C2CD3: variants seen among roughly 807,000 people sequenced by gnomAD.
The protein encoded by C2CD3 is C2 domain-containing protein 3.
A neutral mutation model predicts 234.0 loss-of-function variants in C2CD3; 148 were observed. The ratio of observed to expected loss-of-function variants is 0.63; its 90% CI spans 0.55 to 0.72. C2CD3 has a LOEUF of 0.72. C2CD3 is among the 30% of genes least tolerant of loss of function. C2CD3 has a pLI of 0.00. For synonymous variants in C2CD3, 1,000 were observed against 1,035.4 expected, an observed-to-expected ratio of 0.97 and a Z score of 0.66; for missense variants, 2,577 against 2,811.5, an observed-to-expected ratio of 0.92 and a Z score of 1.89.
At chr11:74,146,747 C>CACACACACACACACACACAT (rs58129019) in intron 3 of C2CD3, among the ~76,000 whole-genome samples, 4,303 of 143,942 alleles carry the variant, frequency 0.03, 113 homozygotes, top group Non-Finnish European at 0.038. Context: ...CACACACACA[C>CACACACACACACACACACAT]AATTAACATA....
At chr11:74,033,018 C>G (rs1952586749) in intron 31 of C2CD3, among the ~76,000 whole-genome samples, 1 of 152,042 alleles carries the variant, frequency 6.6e-6, no homozygotes, top group Non-Finnish European at 1.5e-5. Flanking sequence ...TTCTCTAGAC[C>G]CTCTGCTTCT....
intron 26 of C2CD3, among the ~76,000 whole-genome samples, chr11:74,054,271 CAAA>C (rs576353352): frequency 0.024 from 2,255 of 94,372 alleles, 60 homozygotes; most frequent in African/African-American, 0.085. Flanking sequence ...GATTCTGTCT[CAAA>C]AAAAAAAAAA....
At chr11:74,106,601 A>G in intron 12 of C2CD3, 108 bp from the exon 13 acceptor site, 1 of 1,042,674 alleles carries the variant, frequency 9.6e-7, no homozygotes, top group Non-Finnish European at 1.4e-6. Flanking sequence ...ATTCAGGAAG[A>G]AAAAAGCTTA....
At chr11:74,079,132 T>G (rs1955211812) in intron 22 of C2CD3, among the ~76,000 whole-genome samples, 1 of 152,104 alleles carries the variant, frequency 6.6e-6, no homozygotes, top group Admixed American at 6.5e-5. Context: ...GTACTATGAG[T>G]GCAACAGAAA....
intron 29 of C2CD3, among the ~76,000 whole-genome samples, chr11:74,038,069 T>A (rs1475572037): frequency 1.3e-5 from 2 of 152,228 alleles, no homozygotes; most frequent in Non-Finnish European, 2.9e-5. Context: ...CTCATAACCA[T>A]TCCTGATCCT....
chr11:74,096,924 C>T (rs1956129720), intron 16 of C2CD3, among the ~76,000 whole-genome samples: 3 of 152,060 alleles, frequency 2.0e-5, no homozygotes, highest in Non-Finnish European at 4.4e-5. Context: ...GTGGGTGGAT[C>T]ACTTGAGGTT....
intron 3 of C2CD3, among the ~76,000 whole-genome samples, chr11:74,158,945 T>C (rs1478562223): frequency 6.6e-6 from 1 of 152,166 alleles, no homozygotes; most frequent in Non-Finnish European, 1.5e-5. Context: ...AGTATGAAGG[T>C]TCCTCACAAA....
At chr11:74,018,415 A>G (rs112081937) in intron 32 of C2CD3, among the ~76,000 whole-genome samples, 3 of 152,246 alleles carry the variant, frequency 2.0e-5, no homozygotes, top group African/African-American at 7.2e-5. Flanking sequence ...CTTCTTTGGT[A>G]ACAGTGAGCC....
chr11:74,073,673 C>A (rs1186220545), intron 24 of C2CD3, among the ~76,000 whole-genome samples: 2 of 151,560 alleles, frequency 1.3e-5, no homozygotes, highest in Non-Finnish European at 2.9e-5. Context: ...AAGTGATATT[C>A]TAAGATATCT....
At chr11:74,091,938 G>T (rs1220834893) in intron 19 of C2CD3, among the ~76,000 whole-genome samples, 1 of 151,920 alleles carries the variant, frequency 6.6e-6, no homozygotes, top group Admixed American at 6.6e-5. Flanking sequence ...GTTTTCATCA[G>T]ATCCTCAAAA....
intron 22 of C2CD3, among the ~76,000 whole-genome samples, chr11:74,082,288 T>C (rs1296311711): frequency 6.6e-6 from 1 of 152,078 alleles, no homozygotes; most frequent in Non-Finnish European, 1.5e-5. Flanking sequence ...GCTAATTTTC[T>C]GTATTTTTAG....
chr11:74,103,307 C>T lies in C2CD3; in HGVS notation c.2404G>A (p.Ala802Thr). The part of the protein sequence containing the change: ...NQTNGTTKES[A>T]LLLHVLLMVP... Reference sequence around the variant, plus strand: ...ATCAACAGCACATGCAACAGCAAAGCACTCTCTTTTGTTGTCCCATTTGTC... The same window carrying T: ...ATCAACAGCACATGCAACAGCAAAGTACTCTCTTTTGTTGTCCCATTTGTC... The change falls in exon 14 of 33, where the codon GCT (alanine) becomes ACT (threonine). Residue 802 changes from alanine to threonine, a missense_variant. Coordinates refer to ENST00000334126, the MANE Select transcript of C2CD3 (RefSeq NM_001286577.2). 1 of 1,614,142 alleles carries T rather than the reference C, an allele frequency of 6.2e-7. No homozygotes were observed. Among genetic ancestry groups the T allele is most frequent in the Non-Finnish European group, 8.5e-7 (1 of 1,180,000 alleles).
intron 2 of C2CD3, among the ~76,000 whole-genome samples, chr11:74,163,909 G>A (rs1299155698): frequency 6.6e-6 from 1 of 152,162 alleles, no homozygotes; most frequent in Non-Finnish European, 1.5e-5. Flanking sequence ...CTAACAGCCA[G>A]GGTCTTCCAC....
intron 29 of C2CD3, among the ~76,000 whole-genome samples, chr11:74,038,524 TG>T (rs1952854958): frequency 6.6e-6 from 1 of 152,212 alleles, no homozygotes. Context: ...GGGAGCAGTA[TG>T]TAGCTACTCA....
intron 25 of C2CD3, 26 bp downstream of exon 25, chr11:74,057,380 G>C (rs1954004197): frequency 6.2e-7 from 1 of 1,613,360 alleles, no homozygotes; most frequent in African/African-American, 1.3e-5. Flanking sequence ...ATTCTGGAAG[G>C]CTGACGAATA....
intron 8 of C2CD3, among the ~76,000 whole-genome samples, chr11:74,120,341 T>C (rs1474062702): frequency 6.6e-6 from 1 of 152,140 alleles, no homozygotes; most frequent in African/African-American, 2.4e-5. Flanking sequence ...AGTGAACTCA[T>C]TGTTCAATTC....
chr11:74,105,876 T>C (rs1255872041), intron 13 of C2CD3, among the ~76,000 whole-genome samples: 1 of 152,232 alleles, frequency 6.6e-6, no homozygotes, highest in Non-Finnish European at 1.5e-5. Flanking sequence ...GTCAGTCCCA[T>C]GCTTCAACAT....
intron 2 of C2CD3, among the ~76,000 whole-genome samples, chr11:74,165,330 TC>T (rs1391783019): frequency 1.3e-5 from 2 of 152,188 alleles, no homozygotes; most frequent in Non-Finnish European, 2.9e-5. Flanking sequence ...TTTGTAAATC[TC>T]TTCATGCAAT....
At chr11:74,085,399 C>A in intron 21 of C2CD3, 1 of 542,778 alleles carries the variant, frequency 1.8e-6, no homozygotes, top group Non-Finnish European at 3.3e-6. Context: ...CTCGATACAC[C>A]CATTAACACT....
Sources: gnomAD v4.1 joint callset for allele counts (sites outside exome capture counted in the v4.1 genomes callset) on GRCh38, gnomAD v4.1.1 for gene constraint, MANE v1.5 for transcripts, NCBI Gene and HGNC (gene_info 2026-07-23, HGNC 2026-07-21) for gene names.